The following PRKN variants were observed in gnomAD, a reference collection of about 807,000 sequenced individuals.
PRKN encodes the protein E3 ubiquitin-protein ligase parkin.
A neutral mutation model predicts 59.5 loss-of-function variants in PRKN; 56 were observed. The ratio of observed to expected loss-of-function variants is 0.94; its 90% CI spans 0.76 to 1.18. PRKN has a LOEUF of 1.18. Among genes scored for constraint, PRKN ranks in the 50% most tolerant of loss-of-function variants. The pLI is 0.00. For synonymous variants in PRKN, 250 were observed against 222.1 expected, an observed-to-expected ratio of 1.13 and a Z score of -1.12; for missense variants, 657 against 596.4, an observed-to-expected ratio of 1.10 and a Z score of -1.06.
Position 161,471,178 on chromosome 6 carries a change from A to G in PRKN, c.1083+77676T>C, listed in dbSNP as rs1049446590. Among the ~76,000 whole-genome samples the G allele has an allele frequency of 6.6e-6, 1 of 152,192 alleles. No individual in the cohort carries two copies. The highest frequency in any genetic ancestry group is 1.5e-5 in the Non-Finnish European group (1 of 68,042). On this transcript the variant is annotated intron_variant, in intron 9 of 11. Transcript: ENST00000366898. This position sits in a 1 kb window ranked among gnomAD's most constrained non-coding sequence, Gnocchi z 4.5. ...CCACTCCCTCTCAATAGAGGGAGAG[A>G]CAGAGAAAGGCCAGGTAATGAATAG... is the stretch of plus-strand genomic sequence containing the variant.
chr6:161,986,016 T>G (rs994157306), intron 5 of PRKN, among the ~76,000 whole-genome samples: 2 of 152,210 alleles, frequency 1.3e-5, no homozygotes, highest in African/African-American at 4.8e-5. Context: ...CTCAATTATG[T>G]CCGGTGCCTA....
At chr6:162,121,273 T>C (rs1278398037) in intron 4 of PRKN, among the ~76,000 whole-genome samples, 3 of 152,078 alleles carry the variant, frequency 2.0e-5, no homozygotes, top group Non-Finnish European at 2.9e-5. Flanking sequence ...CTGAATAAGA[T>C]GTATGCCAAC....
At chr6:162,421,574 C>T (rs1788970145) in intron 2 of PRKN, among the ~76,000 whole-genome samples, 1 of 152,112 alleles carries the variant, frequency 6.6e-6, no homozygotes, top group African/African-American at 2.4e-5. Context: ...CTCAATGAGT[C>T]CATCAATTCA....
chr6:162,199,486 A>G (rs1001786983), intron 4 of PRKN, among the ~76,000 whole-genome samples: 1 of 152,222 alleles, frequency 6.6e-6, no homozygotes, highest in African/African-American at 2.4e-5. Flanking sequence ...CAAGAATACC[A>G]GGAAGTTGGT....
At chr6:162,398,600 G>T (rs1216076063) in intron 2 of PRKN, among the ~76,000 whole-genome samples, 2 of 152,108 alleles carry the variant, frequency 1.3e-5, no homozygotes, top group Non-Finnish European at 2.9e-5. Flanking sequence ...CAGTTGGCCA[G>T]GCTGGTTTTG....
At chr6:162,660,055 T>A (rs909099009) in intron 1 of PRKN, among the ~76,000 whole-genome samples, 1 of 152,218 alleles carries the variant, frequency 6.6e-6, no homozygotes, top group Non-Finnish European at 1.5e-5. Context: ...TCCATTATTT[T>A]CCTGTTCTCA....
intron 6 of PRKN, among the ~76,000 whole-genome samples, chr6:161,854,222 T>C (rs1793553729): frequency 6.6e-6 from 1 of 151,940 alleles, no homozygotes. Flanking sequence ...GCTGTTGCAT[T>C]CTAGCCTGGG....
At chr6:161,713,077 C>A (rs917957159) in intron 7 of PRKN, among the ~76,000 whole-genome samples, 8 of 152,312 alleles carry the variant, frequency 5.3e-5, no homozygotes, top group African/African-American at 1.7e-4. Flanking sequence ...AAGGTTCCCA[C>A]AATTTCCTCA....
At chr6:161,411,642 C>A (rs970695004) in intron 9 of PRKN, among the ~76,000 whole-genome samples, 6 of 152,038 alleles carry the variant, frequency 3.9e-5, no homozygotes, top group African/African-American at 9.7e-5. Context: ...CTTACTCATT[C>A]CTCCATTCAC....
chr6:161,772,339 T>C (rs796076584), intron 7 of PRKN, among the ~76,000 whole-genome samples: 4 of 152,324 alleles, frequency 2.6e-5, no homozygotes, highest in African/African-American at 9.6e-5. Flanking sequence ...GCATCTCATT[T>C]CCTGTGACAC....
At chr6:162,515,259 T>C (rs1339691942) in intron 1 of PRKN, among the ~76,000 whole-genome samples, 1 of 152,078 alleles carries the variant, frequency 6.6e-6, no homozygotes, top group Non-Finnish European at 1.5e-5. Context: ...ATTTTTGTAT[T>C]TTTAGTAGAA....
intron 1 of PRKN, among the ~76,000 whole-genome samples, chr6:162,510,770 A>C (rs1004582703): frequency 6.6e-6 from 1 of 151,990 alleles, no homozygotes; most frequent in African/African-American, 2.4e-5. Context: ...AAAAATGCAA[A>C]AAATTAGCCA....
intron 1 of PRKN, among the ~76,000 whole-genome samples, chr6:162,636,650 G>A (rs1012653151): frequency 6.6e-5 from 10 of 152,170 alleles, no homozygotes; most frequent in Non-Finnish European, 1.5e-4. Context: ...ACAAAATGCA[G>A]ACATTTGGTG....
intron 4 of PRKN, among the ~76,000 whole-genome samples, chr6:162,070,561 G>A (rs1394616930): frequency 3.3e-5 from 5 of 152,108 alleles, no homozygotes; most frequent in African/African-American, 9.7e-5. Context: ...TAACAAGGGG[G>A]TGCCCTAGAG....
At chr6:161,855,603 C>A (rs1241399025) in intron 6 of PRKN, among the ~76,000 whole-genome samples, 1 of 112,300 alleles carries the variant, frequency 8.9e-6, no homozygotes, top group Non-Finnish European at 1.9e-5. Flanking sequence ...TTCATACTGA[C>A]AACAATGTTA....
chr6:162,190,068 C>T lies in PRKN; in HGVS notation c.534+11063G>A, dbSNP rs557543736. On this transcript the variant is annotated intron_variant, in intron 4 of 11. Transcript: ENST00000366898. ...CTTTGAAACTAGCCGTGGGAGAACC[C>T]GTAGTTCAATCATACCAACAAATGA... 1.3e-3 allele frequency among the ~76,000 whole-genome samples: 191 copies of T among 152,088 alleles called. 2 individuals carry two copies. Among genetic ancestry groups the T allele is most frequent in the Non-Finnish European group, 2.1e-3 (146 of 68,004 alleles).
At chr6:162,450,035 G>A (rs1365943028) in intron 1 of PRKN, among the ~76,000 whole-genome samples, 1 of 152,190 alleles carries the variant, frequency 6.6e-6, no homozygotes, top group Non-Finnish European at 1.5e-5. Context: ...AGTTTTTCTG[G>A]CTGAAGAAGC....
At chr6:161,603,621 C>T (rs2128144074) in intron 7 of PRKN, among the ~76,000 whole-genome samples, 1 of 152,286 alleles carries the variant, frequency 6.6e-6, no homozygotes, top group Middle Eastern at 3.4e-3. Flanking sequence ...TCTTACCTGA[C>T]TTTTATCTTC....
Position 161,357,784 on chromosome 6 carries a change from C to T in PRKN, c.1285+2304G>A, listed in dbSNP as rs1784817817. On this transcript the variant is annotated intron_variant, in intron 11 of 11. Transcript: ENST00000366898. The surrounding 1 kb of genome is among the most constrained non-coding windows in gnomAD (Gnocchi z 5.5). Reference sequence around the variant, plus strand: ...TTTCTCACTGAGGATGGATGTAAACCTTTCCGCCATGCCTTCATAACCTTC... The same window carrying T: ...TTTCTCACTGAGGATGGATGTAAACTTTTCCGCCATGCCTTCATAACCTTC... Among the ~76,000 whole-genome samples the T allele has an allele frequency of 6.6e-6, 1 of 152,176 alleles. No homozygotes were observed. Among genetic ancestry groups the T allele is most frequent in the Non-Finnish European group, 1.5e-5 (1 of 68,026 alleles).
Sources: gnomAD v4.1 joint callset for allele counts (sites outside exome capture counted in the v4.1 genomes callset) on GRCh38, gnomAD v4.1.1 for gene constraint, Gnocchi (gnomAD v3.1) non-coding constraint, MANE v1.5 for transcripts, NCBI Gene and HGNC (gene_info 2026-07-23, HGNC 2026-07-21) for gene names.